CNTNAP2: variants seen among roughly 807,000 people sequenced by gnomAD.
CNTNAP2 encodes the protein contactin-associated protein-like 2.
In CNTNAP2, 98 loss-of-function variants were observed where a neutral mutation model predicts 155.2. The observed-to-expected ratio is 0.63, with a 90% CI of 0.54 to 0.75. The LOEUF (loss-of-function observed/expected upper bound fraction) is 0.75. CNTNAP2 is among the 30% of genes least tolerant of loss of function. The probability of loss-of-function intolerance (pLI) is 0.00; values close to 1 mark genes in which losing one functional copy is unlikely to be tolerated. For synonymous variants in CNTNAP2, 651 were observed against 631.2 expected (o/e 1.03, Z -0.47); for missense variants, 1,727 against 1,688.1 (o/e 1.02, Z -0.40).
intron 13 of CNTNAP2, among the ~76,000 whole-genome samples, chr7:147,641,455 T>C (rs952394338): frequency 6.6e-6 from 1 of 152,128 alleles, no homozygotes; most frequent in South Asian, 2.1e-4. Context: ...CCTGGTGAGA[T>C]AATAAAACCT....
intron 8 of CNTNAP2, among the ~76,000 whole-genome samples, chr7:147,280,728 T>C (rs1281657065): frequency 6.6e-6 from 1 of 151,960 alleles, no homozygotes; most frequent in Non-Finnish European, 1.5e-5. Context: ...TGCTTTAACA[T>C]AGAAATTGTT....
intron 8 of CNTNAP2, among the ~76,000 whole-genome samples, chr7:147,223,700 T>C (rs555787069): frequency 2.6e-5 from 4 of 152,162 alleles, no homozygotes; most frequent in African/African-American, 9.6e-5. Flanking sequence ...CCCAGCACTT[T>C]GGGAGGCCGA....
intron 1 of CNTNAP2, among the ~76,000 whole-genome samples, chr7:146,246,763 G>C (rs150416617): frequency 0.03 from 4,620 of 152,248 alleles, 222 homozygotes; most frequent in African/African-American, 0.1. Context: ...GTGGTGTCCT[G>C]CACAGATGGG....
chr7:147,033,506 T>A (rs1584795310), intron 3 of CNTNAP2, among the ~76,000 whole-genome samples: 1 of 152,002 alleles, frequency 6.6e-6, no homozygotes, highest in African/African-American at 2.4e-5. Context: ...CTATTTTTTT[T>A]CCTGTAAGAT....
At chr7:147,082,114 G>T (rs1469850892) in intron 4 of CNTNAP2, 1 of 152,176 alleles carries the variant, frequency 6.6e-6, no homozygotes, top group African/African-American at 2.4e-5. Flanking sequence ...AAGGTAAAGG[G>T]TGTTGAATTC....
chr7:148,317,976 C>T (rs1385960778), intron 21 of CNTNAP2, among the ~76,000 whole-genome samples: 1 of 152,178 alleles, frequency 6.6e-6, no homozygotes. Context: ...CCTCCGTGCC[C>T]GGCCCTGCCC....
At chr7:147,859,754 A>C (rs1404362906) in intron 13 of CNTNAP2, among the ~76,000 whole-genome samples, 1 of 152,210 alleles carries the variant, frequency 6.6e-6, no homozygotes, top group Non-Finnish European at 1.5e-5. Flanking sequence ...GAGCAAAGTA[A>C]CTTTGAATAA....
At chr7:146,258,046 A>G (rs907663327) in intron 1 of CNTNAP2, among the ~76,000 whole-genome samples, 21 of 151,928 alleles carry the variant, frequency 1.4e-4, no homozygotes, top group Admixed American at 2.6e-4. Flanking sequence ...GTGCACCACC[A>G]TTGCCTGACT....
chr7:147,911,447 C>G (rs576798172), intron 14 of CNTNAP2, among the ~76,000 whole-genome samples: 30 of 152,118 alleles, frequency 2.0e-4, no homozygotes, highest in Non-Finnish European at 4.0e-4. Context: ...GGTCTTATTT[C>G]TGGAACCATT....
At chr7:146,638,476 C>CTTTCTTTTTTT (rs1383622498) in intron 1 of CNTNAP2, among the ~76,000 whole-genome samples, 12 of 64,362 alleles carry the variant, frequency 1.9e-4, no homozygotes, top group Non-Finnish European at 3.1e-4. Flanking sequence ...TCAGGTGTTT[C>CTTTCTTTTTTT]TTTTTTTTTT....
chr7:147,110,691 C>G (rs1800857798), intron 5 of CNTNAP2, among the ~76,000 whole-genome samples: 1 of 152,148 alleles, frequency 6.6e-6, no homozygotes, highest in African/African-American at 2.4e-5. Flanking sequence ...CATGTGCCCG[C>G]AAAGGACAGG....
At chr7:146,844,346 ATTC>A (rs1441508537) in intron 3 of CNTNAP2, among the ~76,000 whole-genome samples, 1 of 152,112 alleles carries the variant, frequency 6.6e-6, no homozygotes, top group Non-Finnish European at 1.5e-5. Context: ...GCATAATAGA[ATTC>A]TTTATATTTT....
intron 1 of CNTNAP2, among the ~76,000 whole-genome samples, chr7:146,245,064 C>G (rs1427936761): frequency 4.6e-5 from 7 of 152,126 alleles, no homozygotes; most frequent in Non-Finnish European, 1.0e-4. Context: ...AAGAGGCGGG[C>G]TAGTGGCTTG....
chr7:147,465,482 A>G (rs1057349391), intron 10 of CNTNAP2, among the ~76,000 whole-genome samples: 6 of 152,334 alleles, frequency 3.9e-5, no homozygotes, highest in South Asian at 4.1e-4. Flanking sequence ...AACATTTTTT[A>G]TATTATGCGC....
At chr7:146,305,859 A>G (rs58187101) in intron 1 of CNTNAP2, among the ~76,000 whole-genome samples, 2,971 of 152,234 alleles carry the variant, frequency 0.02, 123 homozygotes, top group African/African-American at 0.068. Context: ...GAGCAAACAC[A>G]TTCAAAAGCT....
At chr7:147,671,243 A>T (rs111772266) in intron 13 of CNTNAP2, among the ~76,000 whole-genome samples, 1,660 of 152,232 alleles carry the variant, frequency 0.011, 35 homozygotes, top group African/African-American at 0.038. Context: ...CAAATGAGGC[A>T]CCCGGTTGCA....
At chr7:148,315,218 A>G (rs1229845501) in intron 21 of CNTNAP2, among the ~76,000 whole-genome samples, 1 of 152,206 alleles carries the variant, frequency 6.6e-6, no homozygotes, top group Non-Finnish European at 1.5e-5. Context: ...ACTTGCGTCC[A>G]TGTGAAGAGA....
At chr7:146,708,070 C>T (rs868305244) in intron 1 of CNTNAP2, among the ~76,000 whole-genome samples, 3 of 152,148 alleles carry the variant, frequency 2.0e-5, no homozygotes, top group Middle Eastern at 3.4e-3. Context: ...TGAGAAGTAA[C>T]AGTTCAGTAA....
At chr7:147,160,094 C>T (rs1393740728) in intron 8 of CNTNAP2, among the ~76,000 whole-genome samples, 1 of 151,978 alleles carries the variant, frequency 6.6e-6, no homozygotes. Flanking sequence ...GCCACTGAAC[C>T]ACTGTGACTG....
Sources: allele counts gnomAD v4.1 joint callset (sites outside exome capture counted in the v4.1 genomes callset), GRCh38; gene constraint gnomAD v4.1.1; transcripts MANE v1.5; gene names NCBI Gene and HGNC (gene_info 2026-07-23, HGNC 2026-07-21).